Variants in FYN observed in about 807,000 individuals in gnomAD.
FYN encodes tyrosine-protein kinase Fyn.
A neutral mutation model predicts 70.2 loss-of-function variants in FYN; 10 were observed. The observed-to-expected ratio is 0.14, with a 90% CI of 0.09 to 0.24. The LOEUF (loss-of-function observed/expected upper bound fraction) is 0.24, where lower values mean the gene tolerates loss of function less well. FYN is among the 10% of genes least tolerant of loss of function. The probability of loss-of-function intolerance (pLI) is 1.00; values close to 1 mark genes in which losing one functional copy is unlikely to be tolerated. For missense variants in FYN, 319 were observed against 673.1 expected (o/e 0.47, Z 5.82); for synonymous variants, 236 against 248.6 (o/e 0.95, Z 0.48).
At chr6:111,785,556 T>C (rs1411629819) in intron 2 of FYN, among the ~76,000 whole-genome samples, 1 of 152,164 alleles carries the variant, frequency 6.6e-6, no homozygotes, top group Non-Finnish European at 1.5e-5. Context: ...CTGGGAAGGA[T>C]TTAGCAGCCC....
At chr6:111,871,835 C>G (rs963302478) in intron 1 of FYN, among the ~76,000 whole-genome samples, 1 of 152,196 alleles carries the variant, frequency 6.6e-6, no homozygotes, top group African/African-American at 2.4e-5. Flanking sequence ...CTAAGAAACA[C>G]TGCAGCTGCC....
intron 1 of FYN, among the ~76,000 whole-genome samples, chr6:111,859,676 G>T (rs972697669): frequency 3.3e-5 from 5 of 152,106 alleles, no homozygotes; most frequent in Non-Finnish European, 7.4e-5. Context: ...GCAGGCATGC[G>T]ATCTTGTTTT....
chr6:111,682,546 G>A (rs1335416088), intron 12 of FYN, among the ~76,000 whole-genome samples: 14 of 152,212 alleles, frequency 9.2e-5, no homozygotes, highest in Non-Finnish European at 5.9e-5. Context: ...AATGAAGACT[G>A]CAGATACTTT....
chr6:111,769,335 C>G (rs1803349909), intron 3 of FYN, among the ~76,000 whole-genome samples: 1 of 152,162 alleles, frequency 6.6e-6, no homozygotes, highest in African/African-American at 2.4e-5. Flanking sequence ...TCAATTCTTA[C>G]AGCTAAGGGT....
chr6:111,842,872 G>A (rs1000012633), intron 2 of FYN, among the ~76,000 whole-genome samples: 5 of 152,158 alleles, frequency 3.3e-5, no homozygotes, highest in Non-Finnish European at 7.3e-5. Context: ...CTGAAAAATG[G>A]AGCAACTTCC....
At chr6:111,699,732 T>C (rs1275545377) in intron 9 of FYN, 1 of 1,454,418 alleles carries the variant, frequency 6.9e-7, no homozygotes, top group Non-Finnish European at 9.4e-7. Context: ...ATGCATGCAC[T>C]AGGAAAGATG....
At chr6:111,766,142 C>A (rs1803221178) in intron 3 of FYN, among the ~76,000 whole-genome samples, 1 of 152,188 alleles carries the variant, frequency 6.6e-6, no homozygotes, top group African/African-American at 2.4e-5. Context: ...CATGTCAGCA[C>A]CACACTTCTT....
chr6:111,819,505 C>T (rs1039234618), intron 2 of FYN, among the ~76,000 whole-genome samples: 1 of 152,016 alleles, frequency 6.6e-6, no homozygotes, highest in African/African-American at 2.4e-5. Context: ...AATATTCTTT[C>T]CTCTCTGAAC....
chr6:111,789,405 C>T (rs974984195), intron 2 of FYN, among the ~76,000 whole-genome samples: 1 of 152,138 alleles, frequency 6.6e-6, no homozygotes, highest in Non-Finnish European at 1.5e-5. Flanking sequence ...CATCTCCAAT[C>T]CCCATCAACC....
At chr6:111,668,502 GAAA>G (rs140235658) in intron 13 of FYN, among the ~76,000 whole-genome samples, 1 of 126,440 alleles carries the variant, frequency 7.9e-6, no homozygotes, top group Non-Finnish European at 1.7e-5. Flanking sequence ...CTTTGTCCCA[GAAA>G]AAAAAAAAAA....
chr6:111,699,674 C>A (rs1363946994), intron 9 of FYN: 1 of 1,610,990 alleles, frequency 6.2e-7, no homozygotes, highest in Admixed American at 1.7e-5. Context: ...GCTTTCTCTA[C>A]AGGAAAGGGA....
At chr6:111,829,572 A>G (rs1772948555) in intron 2 of FYN, among the ~76,000 whole-genome samples, 1 of 152,196 alleles carries the variant, frequency 6.6e-6, no homozygotes, top group South Asian at 2.1e-4. Context: ...GAAAAGAACC[A>G]TAGACTGAGC....
chr6:111,760,198 G>A (rs1186873111), intron 3 of FYN, among the ~76,000 whole-genome samples: 2 of 151,890 alleles, frequency 1.3e-5, no homozygotes, highest in African/African-American at 4.8e-5. Flanking sequence ...GCATAATACA[G>A]CCAGAAAAAA....
At chr6:111,688,012 C>A (rs979312061) in intron 12 of FYN, among the ~76,000 whole-genome samples, 1 of 151,824 alleles carries the variant, frequency 6.6e-6, no homozygotes, top group Non-Finnish European at 1.5e-5. Context: ...GAAAAGAGGT[C>A]AAGCTATCCA....
At chr6:111,701,703 T>A (rs1360427747) in intron 8 of FYN, among the ~76,000 whole-genome samples, 1 of 152,196 alleles carries the variant, frequency 6.6e-6, no homozygotes, top group African/African-American at 2.4e-5. Flanking sequence ...TTGGCTGTAA[T>A]GAAATATATT....
rs1801927283 is a variant in FYN at position 111,740,809 on chromosome 6, C to G, written c.-11-20747G>C. On this transcript the variant is annotated intron_variant, in intron 3 of 13. Transcript: ENST00000354650. ...GCTCTTCCCCAAAATACTCACACAGCTGGCTCCTTCTCAGGTCTCAGCCCA... is the reference window on the plus strand; with the variant it reads ...GCTCTTCCCCAAAATACTCACACAGGTGGCTCCTTCTCAGGTCTCAGCCCA... 5.3e-5 allele frequency among the ~76,000 whole-genome samples: 8 copies of G among 152,222 alleles called. No homozygotes were observed. The South Asian group carries it at 1.7e-3, about 31-fold the overall frequency.
chr6:111,827,422 C>A (rs1163562134), intron 2 of FYN, among the ~76,000 whole-genome samples: 3 of 152,284 alleles, frequency 2.0e-5, no homozygotes, highest in African/African-American at 7.2e-5. Context: ...AGTTTACTTT[C>A]TTCTAGATGT....
intron 13 of FYN, among the ~76,000 whole-genome samples, chr6:111,666,611 C>T (rs1798021381): frequency 6.6e-6 from 1 of 152,160 alleles, no homozygotes; most frequent in South Asian, 2.1e-4. Flanking sequence ...GGCAGGCAGA[C>T]CGCTTGAGCT....
At position 111,694,542 on chromosome 6, in the gene FYN, G is replaced by A. The variant is rs772098337; in HGVS notation, c.1120-14C>T. On this transcript the variant is annotated splice_polypyrimidine_tract_variant and intron_variant, in intron 11 of 13. Coordinates refer to ENST00000354650, the MANE Select transcript of FYN (RefSeq NM_002037.5). This position sits in a 1 kb window ranked among gnomAD's most constrained non-coding sequence, Gnocchi z 5.0. The stretch of plus-strand genomic sequence containing the variant: ...TCCTGCAGCCACCTGTGGAAACCCA[G>A]GGAACAGGACATGTTACACCACGAC... The A allele has an allele frequency of 2.5e-6, 4 of 1,614,036 alleles. No individual in the cohort carries two copies. The highest frequency in any genetic ancestry group is 2.5e-6 in the Non-Finnish European group (3 of 1,180,008).
Sources: gnomAD v4.1 joint callset for allele counts (sites outside exome capture counted in the v4.1 genomes callset) on GRCh38, gnomAD v4.1.1 for gene constraint, Gnocchi (gnomAD v3.1) non-coding constraint, MANE v1.5 for transcripts, NCBI Gene and HGNC (gene_info 2026-07-23, HGNC 2026-07-21) for gene names.